Variants in TSHZ2 observed in about 807,000 individuals in gnomAD.
TSHZ2 encodes the protein teashirt zinc finger homeobox 2.
Under a neutral mutation model 74.4 loss-of-function variants are expected in TSHZ2, and 21 were observed. That is an observed-to-expected ratio of 0.28 (90% confidence interval 0.20 to 0.41). The LOEUF (loss-of-function observed/expected upper bound fraction) is 0.41, where lower values mean the gene tolerates loss of function less well. TSHZ2 is among the 10% of genes least tolerant of loss of function. The pLI is 1.00. For missense variants in TSHZ2, 1,244 were observed against 1,293.5 expected (o/e 0.96, Z 0.59); for synonymous variants, 540 against 515.3 (o/e 1.05, Z -0.65).
intron 1 of TSHZ2, among the ~76,000 whole-genome samples, chr20:53,025,450 T>C (rs1297162164): frequency 6.6e-6 from 1 of 152,206 alleles, no homozygotes; most frequent in Non-Finnish European, 1.5e-5. Context: ...TAAGCCCAGA[T>C]GATGAAGTCC....
intron 2 of TSHZ2, among the ~76,000 whole-genome samples, chr20:53,304,683 A>G (rs936636915): frequency 1.3e-5 from 2 of 152,120 alleles, no homozygotes; most frequent in African/African-American, 2.4e-5. Context: ...CCAGGCTGGA[A>G]TGCAGTGGCG....
At chr20:53,110,138 G>A (rs1986490466) in intron 1 of TSHZ2, among the ~76,000 whole-genome samples, 1 of 152,168 alleles carries the variant, frequency 6.6e-6, no homozygotes, top group South Asian at 2.1e-4. Flanking sequence ...GAGTAGAGCA[G>A]TCTTAATCAG....
chr20:53,379,002 G>T (rs183976750), intron 2 of TSHZ2, among the ~76,000 whole-genome samples: 30 of 152,324 alleles, frequency 2.0e-4, no homozygotes, highest in Admixed American at 4.6e-4. Context: ...CACTTGGTTA[G>T]CACAGGTACC....
chr20:53,044,217 GC>G (rs2123107135), intron 1 of TSHZ2, among the ~76,000 whole-genome samples: 1 of 152,338 alleles, frequency 6.6e-6, no homozygotes, highest in East Asian at 1.9e-4. Context: ...GCTCCAACGA[GC>G]CTTTCCTCTG....
chr20:53,060,256 AT>A (rs1984776262), intron 1 of TSHZ2, among the ~76,000 whole-genome samples: 1 of 152,202 alleles, frequency 6.6e-6, no homozygotes, highest in Non-Finnish European at 1.5e-5. Context: ...GCTTTGGTAG[AT>A]TCATAAATTT....
chr20:53,409,134 G>A (rs192933333), intron 2 of TSHZ2, among the ~76,000 whole-genome samples: 9 of 152,210 alleles, frequency 5.9e-5, no homozygotes, highest in East Asian at 3.9e-4. Flanking sequence ...AATGCCAAAC[G>A]CTATAACAGA....
At chr20:53,418,674 G>A (rs1983359970) in intron 2 of TSHZ2, among the ~76,000 whole-genome samples, 1 of 152,120 alleles carries the variant, frequency 6.6e-6, no homozygotes, top group Non-Finnish European at 1.5e-5. Flanking sequence ...AGGAATTCAA[G>A]ATGAGATTTA....
intron 1 of TSHZ2, among the ~76,000 whole-genome samples, chr20:52,987,358 C>A (rs1045587341): frequency 1.3e-5 from 2 of 152,158 alleles, no homozygotes; most frequent in Non-Finnish European, 2.9e-5. Flanking sequence ...ATCTGGGAAT[C>A]TGTACATTAG....
intron 1 of TSHZ2, among the ~76,000 whole-genome samples, chr20:53,210,292 C>G (rs1370182780): frequency 6.6e-6 from 1 of 152,206 alleles, no homozygotes; most frequent in African/African-American, 2.4e-5. Context: ...GCCAATGTGA[C>G]AGCTTTCTGT....
intron 1 of TSHZ2, among the ~76,000 whole-genome samples, chr20:53,104,728 A>G (rs1443453074): frequency 6.6e-6 from 1 of 152,214 alleles, no homozygotes; most frequent in East Asian, 1.9e-4. Flanking sequence ...CCAAGAATGA[A>G]GGAATGCCCG....
intron 2 of TSHZ2, among the ~76,000 whole-genome samples, chr20:53,388,735 A>G (rs1469946280): frequency 6.6e-6 from 1 of 150,728 alleles, no homozygotes; most frequent in African/African-American, 2.4e-5. Context: ...CCACCACCAC[A>G]CCTGCCTGGC....
chr20:53,213,427 A>G (rs1989358556), intron 1 of TSHZ2, among the ~76,000 whole-genome samples: 1 of 152,226 alleles, frequency 6.6e-6, no homozygotes, highest in Non-Finnish European at 1.5e-5. Context: ...GGAACCACCC[A>G]GCACTCGTCA....
intron 1 of TSHZ2, among the ~76,000 whole-genome samples, chr20:53,017,958 C>A (rs1983101677): frequency 6.6e-6 from 1 of 152,138 alleles, no homozygotes; most frequent in Non-Finnish European, 1.5e-5. Context: ...ACAATAAAAT[C>A]ATGGAACTTA....
At chr20:53,426,687 G>A (rs774263973) in intron 2 of TSHZ2, among the ~76,000 whole-genome samples, 4 of 152,128 alleles carry the variant, frequency 2.6e-5, no homozygotes, top group African/African-American at 4.8e-5. Flanking sequence ...ATATAACTGC[G>A]TAAGTTCTTT....
intron 2 of TSHZ2, among the ~76,000 whole-genome samples, chr20:53,420,109 G>C (rs78691223): frequency 3.9e-4 from 59 of 152,326 alleles, no homozygotes; most frequent in African/African-American, 1.3e-3. Context: ...TGCACTCCTG[G>C]TGTTCACACT....
chr20:53,262,146 C>T (rs1032774660), intron 2 of TSHZ2, among the ~76,000 whole-genome samples: 20 of 152,008 alleles, frequency 1.3e-4, no homozygotes, highest in Admixed American at 1.1e-3. Context: ...AATTTGAAAC[C>T]CAACCTGCCA....
chr20:53,269,328 T>C (rs1464671455), intron 2 of TSHZ2, among the ~76,000 whole-genome samples: 1 of 147,432 alleles, frequency 6.8e-6, no homozygotes, highest in East Asian at 2.0e-4. Context: ...ATTGTAAGTA[T>C]AGATTTATCT....
At chr20:53,210,794 G>A (rs1036084677) in intron 1 of TSHZ2, among the ~76,000 whole-genome samples, 6 of 151,958 alleles carry the variant, frequency 3.9e-5, no homozygotes, top group South Asian at 2.1e-4. Flanking sequence ...TCAATAAGAC[G>A]TATATAATCT....
At position 53,492,106 on chromosome 20, in the gene TSHZ2, C is replaced by T. The variant is rs1292384610; in HGVS notation, c.*4971C>T. ...AAAACTAACCACTCCATTCAACTCT[C>T]TCAGAAAATAAATTTCAATGTGTTC... On this transcript the variant is annotated 3_prime_UTR_variant, in exon 3 of 3. Transcript: ENST00000371497. 1 of 151,352 alleles carries T rather than the reference C, an allele frequency of 6.6e-6. No individual in the cohort carries two copies. Among genetic ancestry groups the T allele is most frequent in the Non-Finnish European group, 1.5e-5 (1 of 67,888 alleles). The allele number at this position is 151,352 out of a possible 1,614,324, so 9.4% of individuals were successfully genotyped here. A position where few individuals can be genotyped will look rare whatever the true frequency, so the allele number is the denominator to read the frequency against.
Sources: gnomAD v4.1 joint callset for allele counts (sites outside exome capture counted in the v4.1 genomes callset) on GRCh38, gnomAD v4.1.1 for gene constraint, MANE v1.5 for transcripts, NCBI Gene and HGNC (gene_info 2026-07-23, HGNC 2026-07-21) for gene names.